The following MITF variants were observed in gnomAD, a reference collection of about 807,000 sequenced individuals.
The protein encoded by MITF is microphthalmia-associated transcription factor.
Under a neutral mutation model 60.5 loss-of-function variants are expected in MITF, and 17 were observed. That is an observed-to-expected ratio of 0.28 (90% CI 0.19 to 0.42). The LOEUF is 0.42. MITF is among the 10% of genes least tolerant of loss of function. The pLI is 1.00. For synonymous variants in MITF, 260 were observed against 248.5 expected, an observed-to-expected ratio of 1.05 and a Z score of -0.43; for missense variants, 622 against 683.5, an observed-to-expected ratio of 0.91 and a Z score of 1.00.
chr3:69,784,132 A>G (rs1265995161), intron 1 of MITF, among the ~76,000 whole-genome samples: 2 of 152,156 alleles, frequency 1.3e-5, no homozygotes, highest in Non-Finnish European at 2.9e-5. Context: ...GGTCTGTATA[A>G]AAGGAGCCAT....
At chr3:69,741,687 G>A (rs150672520) in intron 1 of MITF, among the ~76,000 whole-genome samples, 2 of 152,308 alleles carry the variant, frequency 1.3e-5, no homozygotes, top group African/African-American at 4.8e-5. Context: ...TAAAAAAGTT[G>A]TTGTAAAACT....
At chr3:69,794,575 G>GTA (rs1559634308) in intron 1 of MITF, among the ~76,000 whole-genome samples, 1 of 152,050 alleles carries the variant, frequency 6.6e-6, no homozygotes, top group Admixed American at 6.5e-5. Context: ...GTGGTAGCTT[G>GTA]GTCATCAGGG....
intron 1 of MITF, chr3:69,763,564 C>T (rs938564697): frequency 2.3e-5 from 27 of 1,151,310 alleles, no homozygotes; most frequent in Non-Finnish European, 2.8e-5. Flanking sequence ...CTAATTTAGC[C>T]TTCCTAGTGT....
intron 1 of MITF, among the ~76,000 whole-genome samples, chr3:69,783,006 A>G (rs1351365201): frequency 6.6e-6 from 1 of 152,204 alleles, no homozygotes; most frequent in African/African-American, 2.4e-5. Flanking sequence ...ATTCTCATCT[A>G]ATTTTTACTG....
At chr3:69,772,875 G>A (rs1413778527) in intron 1 of MITF, among the ~76,000 whole-genome samples, 1 of 152,128 alleles carries the variant, frequency 6.6e-6, no homozygotes, top group African/African-American at 2.4e-5. Flanking sequence ...CTAGGTATGA[G>A]GAATACAGCA....
intron 5 of MITF, among the ~76,000 whole-genome samples, chr3:69,943,660 T>C (rs1222061066): frequency 1.3e-5 from 2 of 152,188 alleles, no homozygotes; most frequent in Non-Finnish European, 2.9e-5. Context: ...GTGAGACATA[T>C]CTATCTCACA....
At chr3:69,811,596 C>T (rs1005863567) in intron 1 of MITF, among the ~76,000 whole-genome samples, 4 of 152,200 alleles carry the variant, frequency 2.6e-5, no homozygotes, top group Admixed American at 1.3e-4. Context: ...CTGCCTCGTT[C>T]CCTTCCTTTG....
At chr3:69,923,741 T>TAATGGATAATAA (rs2065522158) in intron 2 of MITF, among the ~76,000 whole-genome samples, 2 of 152,240 alleles carry the variant, frequency 1.3e-5, no homozygotes, top group Admixed American at 6.5e-5. Context: ...TCTTCCTCTT[T>TAATGGATAATAA]ATATGCATTA....
chr3:69,918,088 A>G (rs1231974821), intron 2 of MITF, among the ~76,000 whole-genome samples: 1 of 152,038 alleles, frequency 6.6e-6, no homozygotes, highest in Non-Finnish European at 1.5e-5. Flanking sequence ...TTGTTGAGAC[A>G]CAGTCTCACT....
At chr3:69,919,786 G>C (rs984960670) in intron 2 of MITF, among the ~76,000 whole-genome samples, 1 of 150,884 alleles carries the variant, frequency 6.6e-6, no homozygotes, top group Non-Finnish European at 1.5e-5. Flanking sequence ...CAAAATGTAG[G>C]AAATGAACAG....
At chr3:69,818,883 GTTAA>G (rs1391708891) in intron 1 of MITF, among the ~76,000 whole-genome samples, 1 of 152,124 alleles carries the variant, frequency 6.6e-6, no homozygotes, top group African/African-American at 2.4e-5. Context: ...GCATTAACAG[GTTAA>G]TTTTCTTCTT....
At chr3:69,946,390 T>G (rs2066096878) in intron 5 of MITF, among the ~76,000 whole-genome samples, 1 of 152,144 alleles carries the variant, frequency 6.6e-6, no homozygotes, top group African/African-American at 2.4e-5. Context: ...TGGAGATGAA[T>G]TGAAAGTTTG....
chr3:69,855,127 T>C (rs2063893635), intron 1 of MITF, among the ~76,000 whole-genome samples: 1 of 151,836 alleles, frequency 6.6e-6, no homozygotes, highest in South Asian at 2.1e-4. Context: ...TCTGCTCTCA[T>C]GGTCTACATT....
intron 1 of MITF, among the ~76,000 whole-genome samples, chr3:69,813,627 T>C (rs2107009965): frequency 6.6e-6 from 1 of 152,314 alleles, no homozygotes; most frequent in East Asian, 1.9e-4. Flanking sequence ...CTTTTGTATA[T>C]TTGAGATTTC....
At position 69,968,070 on chromosome 3, in the gene MITF, C is replaced by A; in HGVS notation, c.*2822C>A. The stretch of plus-strand genomic sequence containing the variant: ...GAAGTTAAAAGCACAAAGGAATGAA[C>A]TTATTAATATTTTTGAAAAATGCAC... On this transcript the variant is annotated 3_prime_UTR_variant, in exon 10 of 10. Transcript: ENST00000352241. 8.6e-6 allele frequency: 2 copies of A among 233,436 alleles called. No homozygotes were observed. The highest frequency in any genetic ancestry group is 8.5e-6 in the Non-Finnish European group (1 of 117,910). The allele number at this position is 233,436 out of a possible 1,614,324, so 14.5% of individuals were successfully genotyped here.
intron 1 of MITF, among the ~76,000 whole-genome samples, chr3:69,780,395 T>A (rs1366637200): frequency 1.3e-5 from 2 of 152,208 alleles, no homozygotes; most frequent in African/African-American, 4.8e-5. Context: ...CAATGAGCAG[T>A]CATCTGTGAG....
intron 2 of MITF, 28 bp downstream of exon 2, chr3:69,879,411 G>T: frequency 6.2e-7 from 1 of 1,614,018 alleles, no homozygotes; most frequent in Non-Finnish European, 8.5e-7. Context: ...TTGTTGGTTG[G>T]ACCAAACTCT....
rs2066667751 is a variant in MITF, at chr3:69,965,449, C to T, written c.*201C>T. ...TATTCTATTTTACAACTACAAATGC[C>T]TCCAAAGTATTGTACAAATAAGTGT... On this transcript the variant is annotated 3_prime_UTR_variant, in exon 10 of 10. Transcript: ENST00000352241. 4 of 561,630 alleles carry T rather than the reference C, an allele frequency of 7.1e-6. No individual in the cohort carries two copies. Among genetic ancestry groups the T allele is most frequent in the Admixed American group, 3.1e-5 (1 of 31,784 alleles). The allele number at this position is 561,630 out of a possible 1,614,324, so 34.8% of individuals were successfully genotyped here.
chr3:69,800,321 G>A (rs1448908485), intron 1 of MITF, among the ~76,000 whole-genome samples: 2 of 152,110 alleles, frequency 1.3e-5, no homozygotes, highest in Non-Finnish European at 2.9e-5. Context: ...CCAGTGTAGG[G>A]ATATACCACA....
Sources: gnomAD v4.1 joint callset for allele counts (sites outside exome capture counted in the v4.1 genomes callset) on GRCh38, gnomAD v4.1.1 for gene constraint, MANE v1.5 for transcripts, NCBI Gene and HGNC (gene_info 2026-07-23, HGNC 2026-07-21) for gene names.